Variants in RBFOX1 observed in about 807,000 individuals in gnomAD.
RBFOX1 encodes the protein RNA binding protein fox-1 homolog 1.
In RBFOX1, 8 loss-of-function variants were observed where a neutral mutation model predicts 57.7. The observed-to-expected ratio is 0.14, with a 90% CI of 0.08 to 0.25. RBFOX1 has a LOEUF of 0.25. Ranked by LOEUF, RBFOX1 falls within the 10% of genes least tolerant of loss-of-function variation. RBFOX1 has a pLI of 1.00. For missense variants in RBFOX1, 611 were observed against 548.5 expected (o/e 1.11, Z -1.14); for synonymous variants, 326 against 222.4 (o/e 1.47, Z -4.15).
At chr16:6,315,362 G>GTGGATGTATGGA (rs1555621094) in intron 1 of RBFOX1, among the ~76,000 whole-genome samples, 2 of 150,034 alleles carry the variant, frequency 1.3e-5, no homozygotes. Context: ...GAATGGGTGG[G>GTGGATGTATGGA]TGGATGGATG....
At chr16:6,334,554 A>G (rs1339266192) in intron 2 of RBFOX1, among the ~76,000 whole-genome samples, 1 of 151,998 alleles carries the variant, frequency 6.6e-6, no homozygotes, top group African/African-American at 2.4e-5. Flanking sequence ...TCGTCATTAT[A>G]TATTGAGAAA....
At chr16:7,118,678 C>A (rs1449745249) in intron 4 of RBFOX1, among the ~76,000 whole-genome samples, 2 of 152,138 alleles carry the variant, frequency 1.3e-5, no homozygotes, top group Admixed American at 6.6e-5. Flanking sequence ...GTCCTGCTCA[C>A]ATTCAAGGAG....
intron 3 of RBFOX1, among the ~76,000 whole-genome samples, chr16:6,802,804 C>G (rs924389268): frequency 8.5e-5 from 13 of 152,256 alleles, no homozygotes; most frequent in African/African-American, 3.1e-4. Flanking sequence ...TAGGCTGACC[C>G]AAAATATTTT....
chr16:7,251,960 G>C (rs1198685606), intron 4 of RBFOX1, among the ~76,000 whole-genome samples: 2 of 152,112 alleles, frequency 1.3e-5, no homozygotes, highest in Non-Finnish European at 2.9e-5. Context: ...ACCAACAGTG[G>C]GGCACTGGGT....
chr16:7,651,323 G>C (rs771749872), intron 11 of RBFOX1, among the ~76,000 whole-genome samples: 2 of 152,138 alleles, frequency 1.3e-5, no homozygotes, highest in African/African-American at 4.8e-5. Context: ...AATGGCTGCT[G>C]TGGCAAACCC....
rs553917146 is a variant in RBFOX1, at chr16:7,133,594, A to G, written c.27+81496A>G. 4.6e-5 allele frequency among the ~76,000 whole-genome samples: 7 copies of G among 152,342 alleles called. No homozygotes were observed. The East Asian group carries it at 1.4e-3, about 29-fold the overall frequency. The stretch of plus-strand genomic sequence containing the variant: ...GCTGAAAGATACACACATGATTAAT[A>G]CCAAAGAAACTTTCCATTTTATTGG... On this transcript the variant is annotated intron_variant, in intron 4 of 15. Coordinates refer to ENST00000550418, the MANE Select transcript of RBFOX1 (RefSeq NM_018723.4).
chr16:7,101,748 G>C (rs1481157809), intron 4 of RBFOX1, among the ~76,000 whole-genome samples: 2 of 152,104 alleles, frequency 1.3e-5, no homozygotes, highest in Admixed American at 6.5e-5. Flanking sequence ...TACAGGTTCT[G>C]CTCTGATGCC....
intron 3 of RBFOX1, among the ~76,000 whole-genome samples, chr16:6,948,170 A>G (rs1467879610): frequency 1.3e-5 from 2 of 151,902 alleles, no homozygotes; most frequent in Non-Finnish European, 1.5e-5. Flanking sequence ...GGTGGCTCAT[A>G]CCTGTAATCC....
At chr16:6,598,937 C>G (rs992831058) in intron 2 of RBFOX1, among the ~76,000 whole-genome samples, 4 of 142,360 alleles carry the variant, frequency 2.8e-5, no homozygotes, top group Non-Finnish European at 6.3e-5. Flanking sequence ...CAGAGCAAGA[C>G]TCCATGTTAA....
chr16:6,900,882 T>C (rs754352819), intron 3 of RBFOX1, among the ~76,000 whole-genome samples: 12 of 152,230 alleles, frequency 7.9e-5, no homozygotes, highest in Admixed American at 2.0e-4. Flanking sequence ...GAGCTACATA[T>C]GTCTTGTGAA....
intron 4 of RBFOX1, among the ~76,000 whole-genome samples, chr16:7,366,987 G>A (rs995992346): frequency 5.3e-5 from 8 of 151,980 alleles, no homozygotes; most frequent in Non-Finnish European, 8.8e-5. Context: ...AGGTGGACAT[G>A]TTTTTAACTC....
intron 4 of RBFOX1, among the ~76,000 whole-genome samples, chr16:7,321,361 T>C (rs1603620347): frequency 6.6e-6 from 1 of 151,988 alleles, no homozygotes; most frequent in African/African-American, 2.4e-5. Flanking sequence ...GGTCAGGCTG[T>C]TCTTGAACTC....
chr16:7,545,507 G>A (rs376027190), intron 5 of RBFOX1, among the ~76,000 whole-genome samples: 1 of 152,094 alleles, frequency 6.6e-6, no homozygotes, highest in East Asian at 1.9e-4. Flanking sequence ...GCCTTCACAA[G>A]CCGCTAGCTG....
chr16:7,588,715 C>T (rs1220162373), intron 7 of RBFOX1, among the ~76,000 whole-genome samples: 1 of 152,188 alleles, frequency 6.6e-6, no homozygotes, highest in Non-Finnish European at 1.5e-5. Context: ...TCACAGGCCA[C>T]ATTGCCAGCT....
rs573286212 is a variant in RBFOX1, at chr16:6,541,498, G to T, written c.-63-113105G>T. Among the ~76,000 whole-genome samples the T allele has an allele frequency of 3.3e-5, 5 of 152,314 alleles. No homozygotes were observed. In the East Asian group the frequency reaches 9.6e-4, roughly 29 times the overall value. ...TGATCTGCCGAGAAAGATGACAACAGTGTCACATCAGGGTGACGTAGTAGT... is the reference window on the plus strand; with the variant it reads ...TGATCTGCCGAGAAAGATGACAACATTGTCACATCAGGGTGACGTAGTAGT... On this transcript the variant is annotated intron_variant, in intron 2 of 15. Transcript: ENST00000550418.
intron 1 of RBFOX1, among the ~76,000 whole-genome samples, chr16:6,040,399 C>T (rs147001930): frequency 4.3e-4 from 66 of 152,254 alleles, no homozygotes; most frequent in African/African-American, 1.5e-3. Flanking sequence ...CAACATTCTA[C>T]TTTCTGTGTT....
chr16:7,679,987 T>G (rs1221099776), intron 14 of RBFOX1, among the ~76,000 whole-genome samples: 2 of 152,208 alleles, frequency 1.3e-5, no homozygotes, highest in Non-Finnish European at 2.9e-5. Context: ...AATCTCACTT[T>G]GATTTATGCA....
intron 3 of RBFOX1, among the ~76,000 whole-genome samples, chr16:6,893,954 T>C (rs1395321936): frequency 6.6e-6 from 1 of 152,130 alleles, no homozygotes; most frequent in African/African-American, 2.4e-5. Flanking sequence ...ACATGATAAT[T>C]AACCAAGTGC....
intron 3 of RBFOX1, among the ~76,000 whole-genome samples, chr16:5,665,066 C>T (rs1325161350): frequency 5.3e-5 from 8 of 151,084 alleles, no homozygotes; most frequent in Non-Finnish European, 1.0e-4. Context: ...TCGTCCCAGG[C>T]TCCCGAGTAG....
Sources: gnomAD v4.1 joint callset for allele counts (sites outside exome capture counted in the v4.1 genomes callset) on GRCh38, gnomAD v4.1.1 for gene constraint, MANE v1.5 for transcripts, NCBI Gene and HGNC (gene_info 2026-07-23, HGNC 2026-07-21) for gene names.